Variants in PAFAH1B2 observed in about 807,000 individuals in gnomAD.
PAFAH1B2 encodes the protein platelet-activating factor acetylhydrolase IB subunit alpha2.
Under a neutral mutation model 28.0 loss-of-function variants are expected in PAFAH1B2, and 8 were observed. That is an observed-to-expected ratio of 0.29 (90% confidence interval 0.17 to 0.52). The LOEUF is 0.52. Ranked by LOEUF, PAFAH1B2 falls within the 20% of genes least tolerant of loss-of-function variation. The pLI, the probability that PAFAH1B2 is intolerant of heterozygous loss-of-function variation, is 0.97. For synonymous variants in PAFAH1B2, 104 were observed against 103.2 expected, an observed-to-expected ratio of 1.01 and a Z score of -0.05; for missense variants, 190 against 282.6, an observed-to-expected ratio of 0.67 and a Z score of 2.35.
intron 1 of PAFAH1B2, among the ~76,000 whole-genome samples, chr11:117,149,549 C>T (rs1180589072): frequency 6.7e-6 from 1 of 150,152 alleles, no homozygotes; most frequent in Non-Finnish European, 1.5e-5. Flanking sequence ...GCCTCAGCCT[C>T]CCAAGTAGCT....
rs569874975 is a variant in PAFAH1B2 at position 117,164,136 on chromosome 11, T to G, written c.411+244T>G. 128 of 318,394 alleles carry G rather than the reference T, an allele frequency of 4.0e-4. 1 individual carries two copies. The highest frequency in any genetic ancestry group is 1.9e-3 in the East Asian group (31 of 16,042). 19.7% of individuals were successfully genotyped at this position (318,394 alleles called of 1,614,324 possible). On this transcript the variant is annotated intron_variant, in intron 5 of 5. Transcript: ENST00000527958. ...AAGTATGGAAGCCGTGGCCAGGCGC[T>G]GTGGCTCACGCCTGTAATCCCAGCA...
At chr11:117,176,853 G>A (rs917834348) in exon 6 of PAFAH1B2, 2 of 149,678 alleles carry the variant, frequency 1.3e-5, no homozygotes, top group Admixed American at 1.3e-4. Flanking sequence ...CTCCAGCATG[G>A]GTGACAGTGA....
chr11:117,146,018 G>A (rs1198669686), intron 1 of PAFAH1B2, among the ~76,000 whole-genome samples: 2 of 152,006 alleles, frequency 1.3e-5, no homozygotes, highest in African/African-American at 4.8e-5. Flanking sequence ...TCACTTTAAT[G>A]GACAACAAAG....
chr11:117,166,078 C>G (rs925239703), intron 5 of PAFAH1B2, among the ~76,000 whole-genome samples: 4 of 152,140 alleles, frequency 2.6e-5, no homozygotes, highest in Admixed American at 1.3e-4. Flanking sequence ...TGACCTCGTT[C>G]GTGATCTGCC....
chr11:117,172,329 T>C (rs1956666051), downstream of PAFAH1B2, among the ~76,000 whole-genome samples: 1 of 143,944 alleles, frequency 6.9e-6, no homozygotes, highest in East Asian at 2.0e-4. Context: ...TTTTGCCTAC[T>C]TGCTGGTTCA....
At chr11:117,154,267 C>T (rs1321626269) in intron 2 of PAFAH1B2, among the ~76,000 whole-genome samples, 6 of 151,998 alleles carry the variant, frequency 3.9e-5, no homozygotes, top group South Asian at 2.1e-4. Context: ...GCAGGTGAAT[C>T]GCTTGAGCCC....
intron 2 of PAFAH1B2, 55 bp downstream of exon 2, chr11:117,152,583 C>CT: frequency 7.6e-7 from 1 of 1,313,442 alleles, no homozygotes; most frequent in Non-Finnish European, 1.1e-6. Context: ...AGTTTTTTGT[C>CT]TGTTTTGTTT....
intron 2 of PAFAH1B2, among the ~76,000 whole-genome samples, chr11:117,153,371 G>GT (rs149451403): frequency 9.1e-4 from 68 of 74,648 alleles, no homozygotes; most frequent in Admixed American, 1.8e-3. Flanking sequence ...TTTTGTTTTA[G>GT]TTTTTTTTTT....
intron 1 of PAFAH1B2, among the ~76,000 whole-genome samples, chr11:117,146,452 A>G (rs1225431892): frequency 1.3e-5 from 2 of 152,140 alleles, no homozygotes; most frequent in Non-Finnish European, 2.9e-5. Flanking sequence ...ATGTGTCCAT[A>G]AGAGCAGATA....
chr11:117,171,631 G>T, downstream of PAFAH1B2: 1 of 1,321,374 alleles, frequency 7.6e-7, no homozygotes, highest in African/African-American at 1.5e-5. Context: ...GGGTAAAGCA[G>T]CCGCCTCCAA....
intron 1 of PAFAH1B2, among the ~76,000 whole-genome samples, chr11:117,147,396 C>G (rs1434805899): frequency 6.6e-6 from 1 of 152,198 alleles, no homozygotes; most frequent in Admixed American, 6.5e-5. Flanking sequence ...CACAGTTTCA[C>G]CATGTTACCC....
chr11:117,173,902 A>G (rs1956724818), downstream of PAFAH1B2, among the ~76,000 whole-genome samples: 1 of 152,206 alleles, frequency 6.6e-6, no homozygotes. Context: ...TAAGCACCAA[A>G]TGAAAAAACA....
chr11:117,163,904 T>G lies in PAFAH1B2; in HGVS notation c.411+12T>G, dbSNP rs748628595. On this transcript the variant is annotated intron_variant, in intron 5 of 5. Transcript: ENST00000527958. ...AAATCATTGTATTGGTATGTAGTCG[T>G]TGGTGGGTAGAGAGTTTGTTATCTT... 1.2e-6 allele frequency: 2 copies of G among 1,612,438 alleles called. No individual in the cohort carries two copies. The highest frequency in any genetic ancestry group is 2.7e-5 in the African/African-American group (2 of 74,852).
At chr11:117,177,199 AC>A (rs2030030242), downstream of PAFAH1B2, among the ~76,000 whole-genome samples, 1 of 152,174 alleles carries the variant, frequency 6.6e-6, no homozygotes, top group Non-Finnish European at 1.5e-5. Flanking sequence ...ACAGAGCGAG[AC>A]CCTGTCTCCA....
In PAFAH1B2 at chr11:117,166,997, A is replaced by G. The variant is rs540167400; in HGVS notation, c.412-424A>G. Among the ~76,000 whole-genome samples, 4 of 152,336 alleles carry G rather than the reference A, an allele frequency of 2.6e-5. No homozygotes were observed. In the South Asian group the frequency reaches 6.2e-4, roughly 24 times the overall value. ...ATTTAATGATAAATAGATAAGATATATGGGATGTGAGACTTGCAGATGTTG... is the reference window on the plus strand; with the variant it reads ...ATTTAATGATAAATAGATAAGATATGTGGGATGTGAGACTTGCAGATGTTG... On this transcript the variant is annotated intron_variant, in intron 5 of 5. Transcript: ENST00000527958.
At chr11:117,160,488 T>A (rs951798558) in intron 3 of PAFAH1B2, among the ~76,000 whole-genome samples, 2 of 152,188 alleles carry the variant, frequency 1.3e-5, no homozygotes, top group African/African-American at 4.8e-5. Context: ...TTTTATTTTT[T>A]AATTTATTTT....
At chr11:117,175,239 C>G (rs1036684456), downstream of PAFAH1B2, 8 of 1,086,762 alleles carry the variant, frequency 7.4e-6, no homozygotes. Context: ...AGGATCACAT[C>G]CCTGAGGCCC....
At position 117,159,946 on chromosome 11, in the gene PAFAH1B2, G is replaced by T; in HGVS notation, c.94G>T (p.Val32Phe). The change falls in exon 3 of 6, where the codon GTT becomes TTT. Residue 32 changes from valine to phenylalanine, a missense_variant. Coordinates refer to ENST00000527958, the MANE Select transcript of PAFAH1B2 (RefSeq NM_002572.4). Reference protein sequence around the residue: ...DRWMSQHNRFVLDCKDKEPDV... With the variant: ...DRWMSQHNRFFLDCKDKEPDV... ...TTCTTCAAACCAGCACAACAGATTT[G>T]TTTTGGACTGTAAAGACAAAGAGCC... The T allele has an allele frequency of 6.2e-7, 1 of 1,612,960 alleles. No homozygotes were observed. The highest frequency in any genetic ancestry group is 8.5e-7 in the Non-Finnish European group (1 of 1,179,148).
Position 117,168,268 on chromosome 11 carries a change from T to G in PAFAH1B2, c.*569T>G. 9.4e-7 allele frequency: 1 copy of G among 1,063,206 alleles called. No homozygotes were observed. Among genetic ancestry groups the G allele is most frequent in the South Asian group, 4.6e-5 (1 of 21,958 alleles). The allele number at this position is 1,063,206 out of a possible 1,614,324, so 65.9% of individuals were successfully genotyped here. The stretch of plus-strand genomic sequence containing the variant: ...AGTTAGAAGTGAATTTGTTCTGCTT[T>G]CTTAATCTTTTCCATGCTTAGCAGT... On this transcript the variant is annotated 3_prime_UTR_variant, in exon 6 of 6. Transcript: ENST00000527958.
Sources: gnomAD v4.1 joint callset for allele counts (sites outside exome capture counted in the v4.1 genomes callset) on GRCh38, gnomAD v4.1.1 for gene constraint, MANE v1.5 for transcripts, NCBI Gene and HGNC (gene_info 2026-07-23, HGNC 2026-07-21) for gene names.